The following ATF7IP2 variants were observed in gnomAD, a reference collection of about 807,000 sequenced individuals.
ATF7IP2 encodes the protein activating transcription factor 7-interacting protein 2.
A neutral mutation model predicts 64.2 loss-of-function variants in ATF7IP2; 42 were observed. The observed-to-expected ratio is 0.65, with a 90% confidence interval of 0.51 to 0.85. The LOEUF is 0.85. Ranked by LOEUF, ATF7IP2 falls within the 40% of genes least tolerant of loss-of-function variation. The probability of loss-of-function intolerance (pLI) is 0.00; values close to 1 mark genes in which losing one functional copy is unlikely to be tolerated. For missense variants in ATF7IP2, 933 were observed against 784.2 expected, an observed-to-expected ratio of 1.19 and a Z score of -2.27; for synonymous variants, 308 against 272.8, an observed-to-expected ratio of 1.13 and a Z score of -1.27.
chr16:10,481,149 A>T (rs765818607), intron 13 of ATF7IP2, among the ~76,000 whole-genome samples, 185 bp downstream of exon 13: 28 of 152,374 alleles, frequency 1.8e-4, no homozygotes, highest in Admixed American at 3.9e-4. Flanking sequence ...TACAGAAATT[A>T]AAACAAATAC....
At chr16:10,445,048 T>C (rs928787231) in intron 8 of ATF7IP2, among the ~76,000 whole-genome samples, 2 of 152,148 alleles carry the variant, frequency 1.3e-5, no homozygotes, top group African/African-American at 2.4e-5. Flanking sequence ...CAAGTGGTGA[T>C]TTTTTTAGAG....
At chr16:10,435,646 C>T (rs186159684) in intron 6 of ATF7IP2, among the ~76,000 whole-genome samples, 1 of 152,192 alleles carries the variant, frequency 6.6e-6, no homozygotes, top group Non-Finnish European at 1.5e-5. Context: ...ATTTAAGGAC[C>T]TGTCCCAATG....
chr16:10,476,895 C>G (rs2050029649), intron 12 of ATF7IP2, among the ~76,000 whole-genome samples: 1 of 152,144 alleles, frequency 6.6e-6, no homozygotes, highest in South Asian at 2.1e-4. Context: ...TTTCTTTAGT[C>G]TATCATTGAT....
At chr16:10,396,056 A>C (rs1423881869) in intron 1 of ATF7IP2, among the ~76,000 whole-genome samples, 1 of 152,230 alleles carries the variant, frequency 6.6e-6, no homozygotes, top group African/African-American at 2.4e-5. Context: ...AGCCAGTTCA[A>C]CAAAGTTGAA....
At chr16:10,441,063 G>A (rs562101870) in intron 8 of ATF7IP2, among the ~76,000 whole-genome samples, 10 of 152,210 alleles carry the variant, frequency 6.6e-5, no homozygotes, top group East Asian at 1.9e-4. Flanking sequence ...CATCCATGTC[G>A]CTGCAAAGGA....
chr16:10,387,347 C>T (rs746926436), intron 1 of ATF7IP2: 2 of 152,204 alleles, frequency 1.3e-5, no homozygotes, highest in Non-Finnish European at 2.9e-5. Flanking sequence ...AGTGTTGACT[C>T]CGATCTTAAT....
intron 12 of ATF7IP2, among the ~76,000 whole-genome samples, chr16:10,480,132 C>G (rs571510231): frequency 6.6e-6 from 1 of 151,554 alleles, no homozygotes; most frequent in African/African-American, 2.4e-5. Flanking sequence ...GGACTACAGG[C>G]ACGCGCCACC....
chr16:10,411,899 T>G (rs2047767713), intron 1 of ATF7IP2, among the ~76,000 whole-genome samples: 1 of 149,064 alleles, frequency 6.7e-6, no homozygotes, highest in African/African-American at 2.5e-5. Flanking sequence ...CTAGTTGAGC[T>G]TATTTGTTTT....
At chr16:10,480,310 C>T (rs2050176687) in intron 12 of ATF7IP2, among the ~76,000 whole-genome samples, 5 of 151,968 alleles carry the variant, frequency 3.3e-5, no homozygotes, top group Admixed American at 2.6e-4. Flanking sequence ...CTTTTGCCTA[C>T]TTGTACCTTC....
chr16:10,477,475 CTCAAAAT>C (rs1567179897), intron 12 of ATF7IP2, among the ~76,000 whole-genome samples: 5 of 152,050 alleles, frequency 3.3e-5, no homozygotes, highest in Non-Finnish European at 7.4e-5. Context: ...TGGGACGTAT[CTCAAAAT>C]AATAAGAGCT....
rs190701186 is a variant in ATF7IP2, at chr16:10,452,598, G to A, written c.1195-4774G>A. Among the ~76,000 whole-genome samples the A allele has an allele frequency of 2.5e-3, 388 of 152,352 alleles. 4 individuals carry two copies. The highest frequency in any genetic ancestry group is 8.9e-3 in the African/African-American group (369 of 41,582). On this transcript the variant is annotated intron_variant, in intron 8 of 13. Coordinates refer to ENST00000562102, the MANE Select transcript of ATF7IP2 (RefSeq NM_001393719.1). ...CACGGGGGTCAGGGACCCACTTGAG[G>A]AGCCAGTCTGACATTTAGCAGAGCT...
At chr16:10,438,824 G>A (rs1409707942) in intron 7 of ATF7IP2, among the ~76,000 whole-genome samples, 2 of 152,128 alleles carry the variant, frequency 1.3e-5, no homozygotes, top group African/African-American at 2.4e-5. Flanking sequence ...GGAGGCCAAG[G>A]TGGGCGGATC....
intron 9 of ATF7IP2, among the ~76,000 whole-genome samples, chr16:10,466,777 T>C (rs1027311232): frequency 1.3e-5 from 2 of 152,202 alleles, no homozygotes; most frequent in African/African-American, 4.8e-5. Context: ...TGACTGTACT[T>C]AATTTCAGTG....
chr16:10,431,571 A>G lies in ATF7IP2; in HGVS notation c.835+116A>G, dbSNP rs182314626. On this transcript the variant is annotated intron_variant, in intron 5 of 13. Coordinates refer to ENST00000562102, the MANE Select transcript of ATF7IP2 (RefSeq NM_001393719.1). ...GACAGAAAAAAGGTAAATGATGACA[A>G]TTATTTCACAGTATCTTGTTTCTGA... 329 of 657,284 alleles carry G rather than the reference A, an allele frequency of 5.0e-4. 1 individual carries two copies. In the East Asian group the frequency reaches 7.3e-3, roughly 15 times the overall value. The allele number at this position is 657,284 out of a possible 1,614,324, so 40.7% of individuals were successfully genotyped here. A position where few individuals can be genotyped will look rare whatever the true frequency, so the allele number is the denominator to read the frequency against.
chr16:10,461,230 T>G (rs2049364682), intron 9 of ATF7IP2, among the ~76,000 whole-genome samples: 1 of 152,098 alleles, frequency 6.6e-6, no homozygotes, highest in Admixed American at 6.6e-5. Flanking sequence ...GGGAGTAGTA[T>G]TTAATGTTTT....
chr16:10,413,182 C>G (rs1484487885), intron 1 of ATF7IP2, among the ~76,000 whole-genome samples: 1 of 152,086 alleles, frequency 6.6e-6, no homozygotes, highest in Non-Finnish European at 1.5e-5. Flanking sequence ...TATGGTTTGG[C>G]TGTGTCCGTA....
chr16:10,475,854 T>C lies in ATF7IP2; in HGVS notation c.1549+1865T>C, dbSNP rs201897301. 5.9e-5 allele frequency among the ~76,000 whole-genome samples: 9 copies of C among 151,958 alleles called. No individual in the cohort carries two copies. In the East Asian group the frequency reaches 1.7e-3, roughly 29 times the overall value. ...GGTCCAAACACTCCATTGAAAAGCATTGTTTGACTGGAGAACAATACAAGT... is the reference window on the plus strand; with the variant it reads ...GGTCCAAACACTCCATTGAAAAGCACTGTTTGACTGGAGAACAATACAAGT... On this transcript the variant is annotated intron_variant, in intron 12 of 13. Transcript: ENST00000562102.
chr16:10,424,052 A>G (rs143978578), intron 3 of ATF7IP2, among the ~76,000 whole-genome samples: 28 of 152,358 alleles, frequency 1.8e-4, no homozygotes, highest in African/African-American at 6.5e-4. Flanking sequence ...TCTATAGATT[A>G]TAGTTTAAAT....
intron 8 of ATF7IP2, chr16:10,445,483 A>C (rs557707666): frequency 5.9e-5 from 9 of 151,976 alleles, no homozygotes; most frequent in Non-Finnish European, 1.3e-4. Context: ...ATAGCTATTT[A>C]TTCTGGCAGC....
Sources: allele counts gnomAD v4.1 joint callset (sites outside exome capture counted in the v4.1 genomes callset), GRCh38; gene constraint gnomAD v4.1.1; transcripts MANE v1.5; gene names NCBI Gene and HGNC (gene_info 2026-07-23, HGNC 2026-07-21).